B3GALT1: variants seen among roughly 807,000 people sequenced by gnomAD.
B3GALT1 encodes beta-1,3-galactosyltransferase 1.
Under a neutral mutation model 23.2 loss-of-function variants are expected in B3GALT1, and 10 were observed. The ratio of observed to expected loss-of-function variants is 0.43; its 90% CI spans 0.27 to 0.73. The LOEUF is 0.73. Ranked by LOEUF, B3GALT1 falls within the 30% of genes least tolerant of loss-of-function variation. The probability of loss-of-function intolerance (pLI) is 0.21; values close to 1 mark genes in which losing one functional copy is unlikely to be tolerated. For synonymous variants in B3GALT1, 156 were observed against 141.5 expected (o/e 1.10, Z -0.73); for missense variants, 299 against 405.4 (o/e 0.74, Z 2.25).
chr2:167,317,906 G>A (rs1696744153), intron 1 of B3GALT1, among the ~76,000 whole-genome samples: 1 of 152,092 alleles, frequency 6.6e-6, no homozygotes, highest in Non-Finnish European at 1.5e-5. Context: ...TTCATCATTA[G>A]AAGCTAAATA....
chr2:167,482,304 G>T (rs1699572280), intron 1 of B3GALT1, among the ~76,000 whole-genome samples: 1 of 152,072 alleles, frequency 6.6e-6, no homozygotes, highest in Non-Finnish European at 1.5e-5. Context: ...TTATGTCTAG[G>T]TTTTTAAAAC....
chr2:167,847,745 C>A (rs1689791649), intron 4 of B3GALT1, among the ~76,000 whole-genome samples: 2 of 151,874 alleles, frequency 1.3e-5, no homozygotes, highest in African/African-American at 2.4e-5. Flanking sequence ...ACATTCAGAG[C>A]AGAACTAAGT....
chr2:167,431,833 A>AT (rs1698709866), intron 1 of B3GALT1, among the ~76,000 whole-genome samples: 1 of 152,210 alleles, frequency 6.6e-6, no homozygotes, highest in South Asian at 2.1e-4. Context: ...GAAGGGGATT[A>AT]TCCCCCTCTA....
At chr2:167,808,615 A>C (rs1447228135) in intron 3 of B3GALT1, among the ~76,000 whole-genome samples, 2 of 151,464 alleles carry the variant, frequency 1.3e-5, no homozygotes, top group African/African-American at 4.9e-5. Flanking sequence ...GTTGGCCCCC[A>C]CTCTCTTCTG....
intron 1 of B3GALT1, among the ~76,000 whole-genome samples, chr2:167,483,934 C>T (rs1324114527): frequency 6.6e-6 from 1 of 152,156 alleles, no homozygotes; most frequent in Non-Finnish European, 1.5e-5. Flanking sequence ...TTCCAAAACC[C>T]TCTGTCTCTA....
At chr2:167,520,044 C>A (rs1273241584) in intron 2 of B3GALT1, among the ~76,000 whole-genome samples, 19 of 142,770 alleles carry the variant, frequency 1.3e-4, no homozygotes, top group South Asian at 4.4e-4. Flanking sequence ...GACTCTATCT[C>A]AAAAAAAAAA....
chr2:167,521,996 A>ATATATATATACACATATATATATAAT (rs1700196044), intron 2 of B3GALT1, among the ~76,000 whole-genome samples: 1 of 146,520 alleles, frequency 6.8e-6, no homozygotes, highest in South Asian at 2.1e-4. Context: ...ATATATATAT[A>ATATATATATACACATATATATATAAT]TATATATATA....
chr2:167,676,657 A>G (rs73017421), intron 3 of B3GALT1, among the ~76,000 whole-genome samples: 14,430 of 151,828 alleles, frequency 0.095, 1,656 homozygotes, highest in African/African-American at 0.25. Flanking sequence ...TGCCTCCTGG[A>G]TTCAAATGAT....
chr2:167,816,705 T>C lies in B3GALT1; in HGVS notation c.-351-1967T>C, dbSNP rs918517947. Among the ~76,000 whole-genome samples the C allele has an allele frequency of 2.0e-5, 3 of 152,220 alleles. No homozygotes were observed. In the South Asian group the frequency reaches 6.2e-4, roughly 31 times the overall value. On this transcript the variant is annotated intron_variant, in intron 3 of 4. Transcript: ENST00000392690. Reference sequence around the variant, plus strand: ...AAAGCAAGGAAATGTTTTAAAAATATCGTAGAGTAAAATCTTTCAGGTGCT... The same window carrying C: ...AAAGCAAGGAAATGTTTTAAAAATACCGTAGAGTAAAATCTTTCAGGTGCT...
intron 1 of B3GALT1, among the ~76,000 whole-genome samples, chr2:167,320,390 A>G (rs976758930): frequency 6.6e-5 from 10 of 151,852 alleles, no homozygotes; most frequent in African/African-American, 2.4e-4. Flanking sequence ...GGGTTTCACC[A>G]TGTTGCTCAG....
chr2:167,337,467 G>C (rs1000224800), intron 1 of B3GALT1, among the ~76,000 whole-genome samples: 1 of 151,954 alleles, frequency 6.6e-6, no homozygotes, highest in South Asian at 2.1e-4. Context: ...TGTCCAGCTG[G>C]GTTTCCTGTA....
chr2:167,681,225 G>A (rs186674324), intron 3 of B3GALT1, among the ~76,000 whole-genome samples: 193 of 152,220 alleles, frequency 1.3e-3, no homozygotes, highest in Middle Eastern at 3.4e-3. Flanking sequence ...TGCTTTCAAG[G>A]AGTGAAGTTG....
Position 167,870,115 on chromosome 2 carries a change from G to A in B3GALT1, c.*95G>A, listed in dbSNP as rs990123553. 116 of 1,336,532 alleles carry A rather than the reference G, an allele frequency of 8.7e-5. No individual in the cohort carries two copies. The highest frequency in any genetic ancestry group is 1.1e-4 in the Non-Finnish European group (108 of 996,768). The allele number at this position is 1,336,532 out of a possible 1,614,324, so 82.8% of individuals were successfully genotyped here. On this transcript the variant is annotated 3_prime_UTR_variant, in exon 5 of 5. Transcript: ENST00000392690. The stretch of plus-strand genomic sequence containing the variant: ...CAGGTGTCGGGGGAAATGAACTGGT[G>A]AAGGGGTTTTGTAAAGTTTTTGCTT...
At position 167,423,244 on chromosome 2, in the gene B3GALT1, G is replaced by A. The variant is rs572162773; in HGVS notation, c.-510-66933G>A. Among the ~76,000 whole-genome samples the A allele has an allele frequency of 2.7e-4, 41 of 152,284 alleles. No individual in the cohort carries two copies. In the South Asian group the frequency reaches 6.4e-3, roughly 24 times the overall value. ...AGAGTAAAGAAGTTAACTATACCCC[G>A]ATCCATATGGGGGTACTGAGCCAGT... is the stretch of plus-strand genomic sequence containing the variant. On this transcript the variant is annotated intron_variant, in intron 1 of 4. Coordinates refer to ENST00000392690, the MANE Select transcript of B3GALT1 (RefSeq NM_020981.4).
chr2:167,511,655 GA>G (rs1022928679), intron 2 of B3GALT1, among the ~76,000 whole-genome samples: 5 of 152,040 alleles, frequency 3.3e-5, no homozygotes, highest in African/African-American at 9.7e-5. Flanking sequence ...TTTTTGCATA[GA>G]TTTTTTTTTA....
chr2:167,314,352 A>G (rs544047136), intron 1 of B3GALT1, among the ~76,000 whole-genome samples: 1 of 152,322 alleles, frequency 6.6e-6, no homozygotes, highest in South Asian at 2.1e-4. Flanking sequence ...AGTGACTAGC[A>G]TATACAATGT....
At chr2:167,621,089 C>T (rs200150134) in intron 2 of B3GALT1, among the ~76,000 whole-genome samples, 33 of 129,150 alleles carry the variant, frequency 2.6e-4, no homozygotes, top group South Asian at 4.9e-4. Context: ...TTTTTCAGTT[C>T]TTTTTTTTTT....
intron 2 of B3GALT1, among the ~76,000 whole-genome samples, chr2:167,605,006 G>A (rs538642517): frequency 6.6e-6 from 1 of 152,310 alleles, no homozygotes; most frequent in African/African-American, 2.4e-5. Context: ...GCACATTACA[G>A]TGCGTACAAT....
intron 1 of B3GALT1, among the ~76,000 whole-genome samples, chr2:167,461,107 C>A (rs1019581614): frequency 6.6e-6 from 1 of 152,090 alleles, no homozygotes; most frequent in Non-Finnish European, 1.5e-5. Flanking sequence ...ATTGTCTGCA[C>A]GTCTGTGATC....
Sources: gnomAD v4.1 joint callset for allele counts (sites outside exome capture counted in the v4.1 genomes callset) on GRCh38, gnomAD v4.1.1 for gene constraint, MANE v1.5 for transcripts, NCBI Gene and HGNC (gene_info 2026-07-23, HGNC 2026-07-21) for gene names.